Variants in GALK2 observed in about 807,000 individuals in gnomAD.
GALK2 encodes galactokinase 2.
In GALK2, 36 loss-of-function variants were observed where a neutral mutation model predicts 52.4. The observed-to-expected ratio is 0.69, with a 90% CI of 0.53 to 0.91. GALK2 has a LOEUF of 0.91. Among genes scored for constraint, GALK2 ranks in the 40% least tolerant of loss-of-function variants. The pLI, the probability that GALK2 is intolerant of heterozygous loss-of-function variation, is 0.00. For missense variants in GALK2, 579 were observed against 559.1 expected, an observed-to-expected ratio of 1.04 and a Z score of -0.36; for synonymous variants, 176 against 199.1, an observed-to-expected ratio of 0.88 and a Z score of 0.98.
chr15:49,262,485 T>C (rs1404195896), intron 5 of GALK2, among the ~76,000 whole-genome samples: 1 of 152,234 alleles, frequency 6.6e-6, no homozygotes, highest in African/African-American at 2.4e-5. Flanking sequence ...TTGCTAGCGG[T>C]CTGTCAATTT....
At chr15:49,278,885 C>T (rs867811822) in intron 5 of GALK2, among the ~76,000 whole-genome samples, 2 of 152,350 alleles carry the variant, frequency 1.3e-5, no homozygotes, top group Middle Eastern at 3.4e-3. Context: ...ATTGCTGGGG[C>T]AGCCTCAGGA....
intron 1 of GALK2, among the ~76,000 whole-genome samples, chr15:49,163,002 T>C (rs983312125): frequency 2.0e-5 from 3 of 152,210 alleles, no homozygotes; most frequent in East Asian, 1.9e-4. Flanking sequence ...TTAGTAAATA[T>C]CTTGTAGTGA....
At position 49,331,037 on chromosome 15, in the gene GALK2, T is replaced by C. The variant is rs1261862093; in HGVS notation, c.*2878T>C. The C allele has an allele frequency of 6.6e-6, 1 of 152,242 alleles. No homozygotes were observed. The highest frequency in any genetic ancestry group is 1.5e-5 in the Non-Finnish European group (1 of 68,050). 9.4% of individuals were successfully genotyped at this position (152,242 alleles called of 1,614,324 possible). A position where few individuals can be genotyped will look rare whatever the true frequency, so the allele number is the denominator to read the frequency against. ...TTGTATATTATACAACACCCAGGTG[T>C]TTCACTCTTTCTATCACTTTTCTGC... On this transcript the variant is annotated 3_prime_UTR_variant, in exon 10 of 10. Transcript: ENST00000560031.
At chr15:49,277,980 G>A (rs1295764696) in intron 5 of GALK2, among the ~76,000 whole-genome samples, 1 of 151,632 alleles carries the variant, frequency 6.6e-6, no homozygotes, top group Non-Finnish European at 1.5e-5. Flanking sequence ...ATCGGGCATA[G>A]GGCTGGGTGC....
intron 1 of GALK2, among the ~76,000 whole-genome samples, chr15:49,171,345 G>A (rs774248589): frequency 6.6e-6 from 1 of 152,126 alleles, no homozygotes; most frequent in African/African-American, 2.4e-5. Context: ...GCCTCCCAAA[G>A]TGCTGGGATT....
At chr15:49,169,254 G>C (rs994101294), upstream of GALK2, 11 of 152,008 alleles carry the variant, frequency 7.2e-5, no homozygotes, top group African/African-American at 2.7e-4. Flanking sequence ...GGGCATGTTG[G>C]CTCAAACTTC....
chr15:49,173,662 G>GT (rs919263721), intron 1 of GALK2, among the ~76,000 whole-genome samples: 38 of 150,084 alleles, frequency 2.5e-4, no homozygotes, highest in South Asian at 1.9e-3. Flanking sequence ...AATTATATTT[G>GT]TTTTTTTTTA....
Position 49,328,018 on chromosome 15 carries a change from A to G in GALK2, c.1236A>G (p.Val412=). ...AGWGGCTVSM[V]PADKLPSFLA... ...GGGGAGGCTGCACAGTATCAATGGT[A>G]CCTGCGGACAAGCTGCCCAGCTTTC... Residue 412 remains valine, a synonymous_variant, in exon 10 of 10, where the codon GTA becomes GTG. Coordinates refer to ENST00000560031, the MANE Select transcript of GALK2 (RefSeq NM_002044.4). 2.5e-6 allele frequency: 4 copies of G among 1,613,944 alleles called. No individual in the cohort carries two copies. Among genetic ancestry groups the G allele is most frequent in the Non-Finnish European group, 3.4e-6 (4 of 1,179,846 alleles).
intron 3 of GALK2, among the ~76,000 whole-genome samples, chr15:49,364,210 C>T (rs951895623): frequency 6.6e-6 from 1 of 152,114 alleles, no homozygotes; most frequent in Non-Finnish European, 1.5e-5. Flanking sequence ...CTTTATATAT[C>T]TGGTGGAATT....
intron 1 of GALK2, chr15:49,156,686 CT>C: frequency 1.9e-6 from 1 of 520,188 alleles, no homozygotes; most frequent in Non-Finnish European, 3.8e-6. Flanking sequence ...AGCATTGACA[CT>C]TTTCAATAAT....
intron 3 of GALK2, among the ~76,000 whole-genome samples, chr15:49,220,191 T>C (rs1045704650): frequency 6.6e-6 from 1 of 151,742 alleles, no homozygotes; most frequent in Non-Finnish European, 1.5e-5. Flanking sequence ...TACTCTGCTA[T>C]AGACCATTAG....
At chr15:49,268,075 T>C (rs921911923) in intron 5 of GALK2, among the ~76,000 whole-genome samples, 1 of 152,214 alleles carries the variant, frequency 6.6e-6, no homozygotes, top group African/African-American at 2.4e-5. Flanking sequence ...GTTGACATTG[T>C]ATATTCATTT....
chr15:49,230,131 T>C (rs1254377156), intron 3 of GALK2, among the ~76,000 whole-genome samples: 1 of 152,154 alleles, frequency 6.6e-6, no homozygotes, highest in Admixed American at 6.5e-5. Flanking sequence ...AGACAGGAGC[T>C]GTTGATCCCC....
intron 5 of GALK2, among the ~76,000 whole-genome samples, chr15:49,263,893 T>C (rs926238548): frequency 4.0e-5 from 6 of 151,684 alleles, no homozygotes; most frequent in African/African-American, 1.5e-4. Flanking sequence ...TGTTGAATAT[T>C]GGCCCCCACT....
chr15:49,284,175 G>A (rs1011699670), intron 7 of GALK2, among the ~76,000 whole-genome samples: 4 of 152,142 alleles, frequency 2.6e-5, no homozygotes, highest in African/African-American at 7.2e-5. Context: ...ATTTTTACAT[G>A]TCTACTAGGG....
chr15:49,300,400 CTG>C (rs1348669506), intron 8 of GALK2, among the ~76,000 whole-genome samples: 1 of 152,074 alleles, frequency 6.6e-6, no homozygotes, highest in Admixed American at 6.6e-5. Context: ...ACTCATCACT[CTG>C]TGTCTTTTAA....
intron 3 of GALK2, chr15:49,365,995 TA>T: frequency 1.2e-6 from 1 of 808,650 alleles, no homozygotes; most frequent in South Asian, 1.3e-5. Context: ...CATAACACAG[TA>T]GATGACTACA....
intron 4 of GALK2, among the ~76,000 whole-genome samples, chr15:49,236,214 A>T (rs994596259): frequency 6.6e-6 from 1 of 152,132 alleles, no homozygotes; most frequent in Non-Finnish European, 1.5e-5. Flanking sequence ...GTTTAAACAT[A>T]CTTTTGAGGA....
chr15:49,328,615 A>G lies in GALK2; in HGVS notation c.*456A>G. 1 of 1,560,292 alleles carries G rather than the reference A, an allele frequency of 6.4e-7. No homozygotes were observed. Among genetic ancestry groups the G allele is most frequent in the Non-Finnish European group, 8.7e-7 (1 of 1,147,796 alleles). On this transcript the variant is annotated 3_prime_UTR_variant, in exon 10 of 10. Transcript: ENST00000560031. The stretch of plus-strand genomic sequence containing the variant: ...TTGTAGTTGTCTGTTGATGATGGTG[A>G]TGATGATGATGATGACGATAGTGAT...
Sources: allele counts gnomAD v4.1 joint callset (sites outside exome capture counted in the v4.1 genomes callset), GRCh38; gene constraint gnomAD v4.1.1; transcripts MANE v1.5; gene names NCBI Gene and HGNC (gene_info 2026-07-23, HGNC 2026-07-21).